STOML3: variants seen among roughly 807,000 people sequenced by gnomAD.
The protein encoded by STOML3 is stomatin like 3.
A neutral mutation model predicts 29.5 loss-of-function variants in STOML3; 31 were observed. The ratio of observed to expected loss-of-function variants is 1.05; its 90% CI spans 0.79 to 1.42. The LOEUF (loss-of-function observed/expected upper bound fraction) is 1.42. Among genes scored for constraint, STOML3 ranks in the 40% most tolerant of loss-of-function variants. The pLI is 0.00. For synonymous variants in STOML3, 122 were observed against 139.8 expected, an observed-to-expected ratio of 0.87 and a Z score of 0.90; for missense variants, 380 against 363.0, an observed-to-expected ratio of 1.05 and a Z score of -0.38.
intron 5 of STOML3, among the ~76,000 whole-genome samples, chr13:38,969,863 T>C (rs1045207263): frequency 2.6e-5 from 4 of 152,208 alleles, no homozygotes; most frequent in Non-Finnish European, 5.9e-5. Context: ...TAATCTAACC[T>C]AAAAATAAAT....
At chr13:38,969,217 G>A (rs140021493) in intron 5 of STOML3, among the ~76,000 whole-genome samples, 7 of 152,284 alleles carry the variant, frequency 4.6e-5, no homozygotes, top group Admixed American at 2.0e-4. Context: ...CTTGTCTTTC[G>A]TAAAAGCTTA....
At chr13:38,981,301 A>C (rs1038647686) in intron 1 of STOML3, among the ~76,000 whole-genome samples, 6 of 152,156 alleles carry the variant, frequency 3.9e-5, no homozygotes, top group African/African-American at 1.4e-4. Flanking sequence ...GCACATCCCC[A>C]GGGCATTATT....
At chr13:38,974,786 T>C (rs1256695070) in intron 3 of STOML3, among the ~76,000 whole-genome samples, 1 of 152,144 alleles carries the variant, frequency 6.6e-6, no homozygotes, top group South Asian at 2.1e-4. Flanking sequence ...TAGGGGAAAA[T>C]TCATTTAAAA....
At chr13:38,973,101 A>AC (rs777425402) in intron 3 of STOML3, among the ~76,000 whole-genome samples, 2,890 of 107,642 alleles carry the variant, frequency 0.027, 229 homozygotes, top group African/African-American at 0.079. Flanking sequence ...TCTACTAAAA[A>AC]AAAAAAAAAA....
intron 6 of STOML3, among the ~76,000 whole-genome samples, 199 bp from the exon 7 acceptor site, chr13:38,967,248 G>T (rs547053003): frequency 5.5e-4 from 83 of 152,152 alleles, no homozygotes; most frequent in African/African-American, 2.0e-3. Context: ...AGCAAGGAGG[G>T]ATATTGTACA....
At position 38,970,088 on chromosome 13, in the gene STOML3, G is replaced by A. The variant is rs993192660; in HGVS notation, c.516+97C>T. ...TGTGTGAGTGTGTGCAAGCATGCAT[G>A]TGGTGGGGGATGCTTTGAACTGCTG... On this transcript the variant is annotated intron_variant, in intron 5 of 6. Coordinates refer to ENST00000379631, the MANE Select transcript of STOML3 (RefSeq NM_145286.3). 4 of 1,107,316 alleles carry A rather than the reference G, an allele frequency of 3.6e-6. No homozygotes were observed. The South Asian group carries it at 4.5e-5, about 12-fold the overall frequency. The allele number at this position is 1,107,316 out of a possible 1,614,324, so 68.6% of individuals were successfully genotyped here.
intron 1 of STOML3, among the ~76,000 whole-genome samples, chr13:38,978,984 T>C (rs9548576): frequency 0.11 from 16,100 of 152,250 alleles, 1,152 homozygotes; most frequent in Admixed American, 0.19. Flanking sequence ...AGCATAGAAG[T>C]GCTTATTCCC....
chr13:38,990,555 G>T (rs552930569), intron 1 of STOML3, 115 bp downstream of exon 1: 1 of 988,456 alleles, frequency 1.0e-6, no homozygotes, highest in Non-Finnish European at 1.4e-6. Context: ...AAATGAAATT[G>T]AGGCCGATTT....
intron 3 of STOML3, among the ~76,000 whole-genome samples, chr13:38,974,004 A>T (rs1293686855): frequency 2.0e-5 from 3 of 152,142 alleles, no homozygotes; most frequent in Non-Finnish European, 4.4e-5. Context: ...CACAGCCATG[A>T]TCTAATTCAT....
intron 1 of STOML3, among the ~76,000 whole-genome samples, chr13:38,979,799 T>C (rs1409055046): frequency 1.3e-5 from 2 of 152,212 alleles, no homozygotes; most frequent in African/African-American, 4.8e-5. Flanking sequence ...GGTAAAAGTA[T>C]TGTGAAGGCA....
chr13:38,978,900 C>A (rs1881182823), intron 1 of STOML3, among the ~76,000 whole-genome samples: 1 of 152,158 alleles, frequency 6.6e-6, no homozygotes, highest in Non-Finnish European at 1.5e-5. Flanking sequence ...GGTAGTAGAA[C>A]TGTTAGGTCA....
intron 1 of STOML3, among the ~76,000 whole-genome samples, chr13:38,977,389 G>A (rs192318918): frequency 3.9e-5 from 6 of 152,264 alleles, no homozygotes; most frequent in East Asian, 3.9e-4. Context: ...GAAGTTACCC[G>A]CCTTAGAGAA....
intron 1 of STOML3, among the ~76,000 whole-genome samples, chr13:38,985,336 TCAC>T (rs1412917370): frequency 2.6e-5 from 4 of 151,924 alleles, no homozygotes; most frequent in African/African-American, 9.7e-5. Flanking sequence ...GGTGGGTCAA[TCAC>T]TTGAAACCGG....
At chr13:38,985,084 C>T (rs2138024521) in intron 1 of STOML3, among the ~76,000 whole-genome samples, 1 of 152,246 alleles carries the variant, frequency 6.6e-6, no homozygotes, top group East Asian at 1.9e-4. Flanking sequence ...TTGCATTTTT[C>T]TCCATACATT....
At chr13:38,988,843 TAA>T (rs113193897) in intron 1 of STOML3, among the ~76,000 whole-genome samples, 4,404 of 143,342 alleles carry the variant, frequency 0.031, 157 homozygotes, top group African/African-American at 0.09. Flanking sequence ...CTATAATACA[TAA>T]TATATATTAT....
At chr13:38,968,363 C>T (rs1041974458) in intron 6 of STOML3, 37 bp downstream of exon 6, 2 of 1,606,698 alleles carry the variant, frequency 1.2e-6, no homozygotes, top group Non-Finnish European at 1.7e-6. Flanking sequence ...CAACACTAGG[C>T]AGTTCTCCCT....
chr13:38,982,252 AT>A (rs1039638299), intron 1 of STOML3, among the ~76,000 whole-genome samples: 10 of 151,460 alleles, frequency 6.6e-5, no homozygotes, highest in African/African-American at 1.7e-4. Context: ...TAAAAAAAAA[AT>A]AATAATAATA....
chr13:38,971,864 G>T (rs534087038), intron 4 of STOML3, among the ~76,000 whole-genome samples: 18 of 152,098 alleles, frequency 1.2e-4, no homozygotes, highest in Admixed American at 6.5e-5. Flanking sequence ...GGTAGAGGTT[G>T]CAATGAGCCG....
At chr13:38,972,680 T>A in intron 3 of STOML3, 86 bp from the exon 4 acceptor site, 1 of 1,162,528 alleles carries the variant, frequency 8.6e-7, no homozygotes, top group Admixed American at 1.8e-5. Context: ...ATCATTTACA[T>A]GGGGCGATAC....
Sources: gnomAD v4.1 joint callset for allele counts (sites outside exome capture counted in the v4.1 genomes callset) on GRCh38, gnomAD v4.1.1 for gene constraint, MANE v1.5 for transcripts, NCBI Gene and HGNC (gene_info 2026-07-23, HGNC 2026-07-21) for gene names.